Variants in CSNK1G2 observed in about 807,000 individuals in gnomAD.
CSNK1G2 encodes the protein casein kinase 1 gamma 2.
In CSNK1G2, 11 loss-of-function variants were observed where a neutral mutation model predicts 48.0. The ratio of observed to expected loss-of-function variants is 0.23; its 90% CI spans 0.14 to 0.38. The LOEUF (loss-of-function observed/expected upper bound fraction) is 0.38. CSNK1G2 is among the 10% of genes least tolerant of loss of function. The probability of loss-of-function intolerance (pLI) is 1.00; values close to 1 mark genes in which losing one functional copy is unlikely to be tolerated. For missense variants in CSNK1G2, 446 were observed against 595.5 expected (o/e 0.75, Z 2.61); for synonymous variants, 337 against 254.1 (o/e 1.33, Z -3.10).
At chr19:1,959,564 C>T (rs112727193) in intron 1 of CSNK1G2, among the ~76,000 whole-genome samples, 3 of 134,474 alleles carry the variant, frequency 2.2e-5, no homozygotes, top group Non-Finnish European at 3.1e-5. Flanking sequence ...TTAGTGCCAC[C>T]GTGGGTCCCC....
intron 2 of CSNK1G2, among the ~76,000 whole-genome samples, chr19:1,971,439 C>A (rs1254350524): frequency 6.6e-6 from 1 of 152,282 alleles, no homozygotes; most frequent in Non-Finnish European, 1.5e-5. Context: ...CTTTTCCCAA[C>A]AGGAGCTGTG....
chr19:1,951,662 C>A (rs1482047340), intron 1 of CSNK1G2, among the ~76,000 whole-genome samples: 2 of 131,426 alleles, frequency 1.5e-5, no homozygotes, highest in African/African-American at 2.8e-5. Flanking sequence ...GAGAGTCCAC[C>A]CCTCCCCACC....
chr19:1,946,471 T>C (rs910728326), intron 1 of CSNK1G2, among the ~76,000 whole-genome samples: 20 of 150,376 alleles, frequency 1.3e-4, no homozygotes, highest in African/African-American at 4.9e-4. Flanking sequence ...TTTTGTACTT[T>C]TAGTAGAGAC....
At chr19:1,960,103 G>A (rs1334715109) in intron 1 of CSNK1G2, among the ~76,000 whole-genome samples, 1 of 152,202 alleles carries the variant, frequency 6.6e-6, no homozygotes, top group Non-Finnish European at 1.5e-5. Context: ...GAGCTTCCCT[G>A]CCCTCCCTGG....
At chr19:1,945,146 C>T (rs1225804808) in intron 1 of CSNK1G2, among the ~76,000 whole-genome samples, 1 of 152,198 alleles carries the variant, frequency 6.6e-6, no homozygotes, top group African/African-American at 2.4e-5. Flanking sequence ...TCTCTGGCCA[C>T]CACCGCTGCT....
At position 1,980,275 on chromosome 19, in the gene CSNK1G2, G is replaced by C; in HGVS notation, c.*72G>C. On this transcript the variant is annotated 3_prime_UTR_variant, in exon 12 of 12. Coordinates refer to ENST00000255641, the MANE Select transcript of CSNK1G2 (RefSeq NM_001319.7). The stretch of plus-strand genomic sequence containing the variant: ...GGGCGCGACCTTGTGCGAGGCCCTC[G>C]GGGCCCACCCACAGCGGCCCAGGGC... 1 of 1,574,808 alleles carries C rather than the reference G, an allele frequency of 6.3e-7. No individual in the cohort carries two copies. The highest frequency in any genetic ancestry group is 8.7e-7 in the Non-Finnish European group (1 of 1,148,052).
chr19:1,948,471 TGA>T lies in CSNK1G2; in HGVS notation c.-266+7056_-266+7057del, dbSNP rs1242459016. Among the ~76,000 whole-genome samples the T allele has an allele frequency of 2.2e-5, 3 of 133,884 alleles. No individual in the cohort carries two copies. In the Admixed American group the frequency reaches 2.8e-4, roughly 12 times the overall value. The allele number at this position is 133,884 out of a possible 152,430, so 87.8% of individuals were successfully genotyped here. A position where few individuals can be genotyped will look rare whatever the true frequency, so the allele number is the denominator to read the frequency against. ...CCGGGAGGCGAAGCTTACAGTGAGC[TGA>T]GACCGCGCCATTGCACTCCATGTGG... On this transcript the variant is annotated intron_variant, in intron 1 of 11. Coordinates refer to ENST00000255641, the MANE Select transcript of CSNK1G2 (RefSeq NM_001319.7).
chr19:1,953,236 T>TTGGGACCGGGGACCCC (rs1383662209), intron 1 of CSNK1G2: 1 of 375,370 alleles, frequency 2.7e-6, no homozygotes, highest in Non-Finnish European at 5.3e-6. Flanking sequence ...GTGGCACCAC[T>TTGGGACCGGGGACCCC]TGGGACCGGG....
intron 1 of CSNK1G2, among the ~76,000 whole-genome samples, chr19:1,951,481 C>T (rs1245807330): frequency 6.9e-6 from 1 of 145,888 alleles, no homozygotes; most frequent in Non-Finnish European, 1.5e-5. Flanking sequence ...CTGCCAGATC[C>T]TGAGGCTGGC....
intron 1 of CSNK1G2, among the ~76,000 whole-genome samples, chr19:1,950,156 A>G (rs1000164311): frequency 1.3e-5 from 2 of 151,718 alleles, no homozygotes; most frequent in African/African-American, 2.4e-5. Context: ...ATATTTATTT[A>G]TGAGACGGAG....
chr19:1,966,143 CT>C (rs1273075327), intron 1 of CSNK1G2, among the ~76,000 whole-genome samples: 1 of 152,188 alleles, frequency 6.6e-6, no homozygotes, highest in Non-Finnish European at 1.5e-5. Context: ...CTCTAGGTGC[CT>C]GTAGGTGCCG....
chr19:1,963,020 G>A (rs1006803636), intron 1 of CSNK1G2, among the ~76,000 whole-genome samples: 4 of 152,102 alleles, frequency 2.6e-5, no homozygotes, highest in Admixed American at 1.3e-4. Context: ...CTCAGGCCAC[G>A]GCGTGGACGC....
chr19:1,957,813 G>C lies in CSNK1G2; in HGVS notation c.-265-11695G>C, dbSNP rs2015050597. 6.6e-6 allele frequency among the ~76,000 whole-genome samples: 1 copy of C among 151,658 alleles called. No homozygotes were observed. The highest frequency in any genetic ancestry group is 1.5e-5 in the Non-Finnish European group (1 of 67,836). ...TGTGTGGGGGGTATGTGCTCGGCGG[G>C]CGCCGTGTTTGTGGGGTGGGAGCTA... On this transcript the variant is annotated intron_variant, in intron 1 of 11. Coordinates refer to ENST00000255641, the MANE Select transcript of CSNK1G2 (RefSeq NM_001319.7). This position sits in a 1 kb window ranked among gnomAD's most constrained non-coding sequence, Gnocchi z 5.4.
chr19:1,955,955 G>C (rs181118933), intron 1 of CSNK1G2, among the ~76,000 whole-genome samples: 4 of 152,330 alleles, frequency 2.6e-5, no homozygotes, highest in African/African-American at 9.6e-5. Context: ...TATCAGAACA[G>C]ACGCCAGCGG....
At chr19:1,971,382 C>A (rs1313329512) in intron 2 of CSNK1G2, among the ~76,000 whole-genome samples, 1 of 152,264 alleles carries the variant, frequency 6.6e-6, no homozygotes, top group Non-Finnish European at 1.5e-5. Flanking sequence ...GTCCGACGGC[C>A]TGTGGCTCAG....
intron 1 of CSNK1G2, among the ~76,000 whole-genome samples, chr19:1,956,225 C>G (rs1050864024): frequency 6.6e-6 from 1 of 152,134 alleles, no homozygotes; most frequent in Admixed American, 6.5e-5. Context: ...GGGCCCTAGA[C>G]CCAGCAGTGG....
At chr19:1,955,444 C>T (rs1048535075) in intron 1 of CSNK1G2, among the ~76,000 whole-genome samples, 2 of 148,964 alleles carry the variant, frequency 1.3e-5, no homozygotes, top group African/African-American at 2.6e-5. Context: ...CTGCCCTTCA[C>T]CGGCTGTGGG....
Position 1,969,765 on chromosome 19 carries a change from A to G in CSNK1G2, c.-8A>G. 2 of 1,298,274 alleles carry G rather than the reference A, an allele frequency of 1.5e-6. No individual in the cohort carries two copies. Among genetic ancestry groups the G allele is most frequent in the Middle Eastern group, 2.3e-4 (1 of 4,420 alleles). 80.4% of individuals were successfully genotyped at this position (1,298,274 alleles called of 1,614,324 possible). ...GTCACCGTGGAGAGGCCAGGGTATC[A>G]CAAACTTATGGATTTTGACAAGAAA... is the stretch of plus-strand genomic sequence containing the variant. On this transcript the variant is annotated 5_prime_UTR_variant, in exon 2 of 12. Transcript: ENST00000255641.
intron 1 of CSNK1G2, among the ~76,000 whole-genome samples, chr19:1,949,935 C>A (rs555954254): frequency 6.6e-6 from 1 of 152,192 alleles, no homozygotes; most frequent in Non-Finnish European, 1.5e-5. Flanking sequence ...AGATCCTGCA[C>A]CCTGTGACGA....
Sources: gnomAD v4.1 joint callset for allele counts (sites outside exome capture counted in the v4.1 genomes callset) on GRCh38, gnomAD v4.1.1 for gene constraint, Gnocchi (gnomAD v3.1) non-coding constraint, MANE v1.5 for transcripts, NCBI Gene and HGNC (gene_info 2026-07-23, HGNC 2026-07-21) for gene names.